WIZ: variants seen among roughly 807,000 people sequenced by gnomAD.
WIZ encodes the protein WIZ zinc finger.
In WIZ, 25 loss-of-function variants were observed where a neutral mutation model predicts 140.2. That is an observed-to-expected ratio of 0.18 (90% confidence interval 0.13 to 0.25). WIZ has a LOEUF of 0.25. WIZ is among the 10% of genes least tolerant of loss of function. The probability of loss-of-function intolerance (pLI) is 1.00; values close to 1 mark genes in which losing one functional copy is unlikely to be tolerated. For synonymous variants in WIZ, 1,125 were observed against 1,154.3 expected (o/e 0.97, Z 0.51); for missense variants, 2,231 against 2,632.6 (o/e 0.85, Z 3.34).
chr19:15,429,483 C>T (rs988471958), intron 7 of WIZ, 103 bp downstream of exon 7: 11 of 927,712 alleles, frequency 1.2e-5, no homozygotes, highest in Non-Finnish European at 1.4e-5. Context: ...TAGTCCCCAC[C>T]GCCCCCACCC....
At chr19:15,435,877 C>T (rs927309840) in intron 5 of WIZ, among the ~76,000 whole-genome samples, 4 of 152,114 alleles carry the variant, frequency 2.6e-5, no homozygotes, top group Non-Finnish European at 5.9e-5. Flanking sequence ...AATCCCAGCT[C>T]TTTGGGGGCC....
chr19:15,433,754 G>A (rs1969405596), intron 5 of WIZ, among the ~76,000 whole-genome samples: 1 of 152,202 alleles, frequency 6.6e-6, no homozygotes, highest in Non-Finnish European at 1.5e-5. Flanking sequence ...GAAGCAAGAA[G>A]CCTGAGGTCA....
rs754857262 is a variant in WIZ, at chr19:15,424,697, C to T, written c.5230G>A (p.Ala1744Thr). Reference protein sequence around the residue: ...GGEPGPEAGRAADGGERPLAA... With the variant: ...GGEPGPEAGRTADGGERPLAA... ...AGAGGCCGCTCACCACCGTCGGCTGCCCGGCCAGCCTCGGGCCCTGGCTCC... is the reference window on the plus strand; with the variant it reads ...AGAGGCCGCTCACCACCGTCGGCTGTCCGGCCAGCCTCGGGCCCTGGCTCC... Residue 1744 changes from alanine to threonine, a missense_variant, in exon 11 of 13, where the codon GCA becomes ACA. Transcript: ENST00000673675. The surrounding 1 kb of genome is among the most constrained non-coding windows in gnomAD (Gnocchi z 9.7). The T allele has an allele frequency of 1.9e-6, 3 of 1,584,500 alleles. No individual in the cohort carries two copies. The highest frequency in any genetic ancestry group is 1.7e-5 in the Admixed American group (1 of 58,422).
Position 15,428,332 on chromosome 19 carries a change from C to A in WIZ, c.3592G>T (p.Val1198Phe). Residue 1198 changes from valine to phenylalanine, a missense_variant, in exon 8 of 13, where the codon GTC becomes TTC. By Grantham distance (50) the Val-to-Phe change is conservative. Around this residue, in one of 15 missense-constraint regions of WIZ, gnomAD observed 141 missense variants for 161.2 expected, o/e 0.87. Transcript: ENST00000673675. This position sits in a 1 kb window ranked among gnomAD's most constrained non-coding sequence, Gnocchi z 6.4. ...CGCCTGGGTGGGAGGCGGATCTGGA[C>A]GCCGTCCCTCCTGATGAGCCCGTGG... ...VLHGLIRRDG[V>F]QIRLPPRRGA... 1 of 1,534,704 alleles carries A rather than the reference C, an allele frequency of 6.5e-7. No homozygotes were observed. The highest frequency in any genetic ancestry group is 8.7e-7 in the Non-Finnish European group (1 of 1,146,480).
At chr19:15,449,668 C>T (rs2145430828) in intron 1 of WIZ, 130 bp downstream of exon 1, 1 of 147,624 alleles carries the variant, frequency 6.8e-6, no homozygotes, top group East Asian at 2.0e-4. Flanking sequence ...CGGCCAGGCC[C>T]CGCCCCTGAA....
intron 5 of WIZ, chr19:15,432,390 T>G: frequency 1.0e-6 from 1 of 977,448 alleles, no homozygotes. Flanking sequence ...CAGGCGGGAT[T>G]CCGACCTTCC....
chr19:15,440,820 T>C lies in WIZ; in HGVS notation c.279-105A>G. ...GGCCGTTTGAAGCAGGCCCCGGAGA[T>C]CCAGCCCGAGGGTGACAGGGGTGTG... On this transcript the variant is annotated intron_variant, in intron 3 of 12. Transcript: ENST00000673675. This position sits in a 1 kb window ranked among gnomAD's most constrained non-coding sequence, Gnocchi z 6.2. 7.9e-6 allele frequency: 7 copies of C among 882,906 alleles called. No individual in the cohort carries two copies. Among genetic ancestry groups the C allele is most frequent in the Non-Finnish European group, 9.3e-6 (6 of 645,928 alleles). 54.7% of individuals were successfully genotyped at this position (882,906 alleles called of 1,614,324 possible). A position where few individuals can be genotyped will look rare whatever the true frequency, so the allele number is the denominator to read the frequency against.
rs1176938551 is a variant in WIZ, at chr19:15,432,522, TGGCGGCGGCGGCGGGGGTGGG to T, written c.2741-1361_2741-1341del. On this transcript the variant is annotated intron_variant, in intron 5 of 12. Transcript: ENST00000673675. ...GCGGCGGTGGCGGTGGCGGTGGTGG[TGGCGGCGGCGGCGGGGGTGGG>T]GGCGGCGGCGGCGGCGCGGGGGGTG... 8.6e-4 allele frequency: 198 copies of T among 229,592 alleles called. 6 individuals are homozygous for T. The highest frequency in any genetic ancestry group is 1.1e-3 in the Non-Finnish European group (186 of 170,232). 14.2% of individuals were successfully genotyped at this position (229,592 alleles called of 1,614,324 possible). A position where few individuals can be genotyped will look rare whatever the true frequency, so the allele number is the denominator to read the frequency against.
intron 5 of WIZ, chr19:15,432,421 C>G: frequency 1.0e-6 from 1 of 982,736 alleles, no homozygotes; most frequent in African/African-American, 1.8e-5. Flanking sequence ...CCCTCCCAAG[C>G]GCGGGCTCTT....
Position 15,425,556 on chromosome 19 carries a change from C to T in WIZ, c.4579G>A (p.Asp1527Asn). Residue 1527 changes from aspartate (D) to asparagine (N), a missense_variant, in exon 10 of 13, where the codon GAC (aspartate) becomes AAC (asparagine). Physicochemically the swap from Asp to Asn is conservative, Grantham distance 23. Coordinates refer to ENST00000673675, the MANE Select transcript of WIZ (RefSeq NM_001371589.1). ...TCCTCAGCCAGGGCAGGGGCCAGGT[C>T]TCCAGCCGGTGGCTCCTTCTTGATG... ...CLIKKEPPAG[D>N]LAPALAEDGP... is the part of the protein sequence containing the mutation. 6.2e-7 allele frequency: 1 copy of T among 1,612,904 alleles called. No homozygotes were observed. The highest frequency in any genetic ancestry group is 8.5e-7 in the Non-Finnish European group (1 of 1,179,550).
chr19:15,444,870 C>T (rs907557439), intron 2 of WIZ, among the ~76,000 whole-genome samples: 1 of 152,232 alleles, frequency 6.6e-6, no homozygotes, highest in Non-Finnish European at 1.5e-5. Context: ...TCCCAAGATT[C>T]CGGGCGTCCC....
intron 5 of WIZ, among the ~76,000 whole-genome samples, chr19:15,433,675 C>T (rs1398036318): frequency 2.0e-5 from 3 of 152,218 alleles, no homozygotes; most frequent in Non-Finnish European, 4.4e-5. Flanking sequence ...AGCTCTGTCT[C>T]GCAGCCACCC....
In WIZ at chr19:15,427,847, G is replaced by C. The variant is rs941909862; in HGVS notation, c.3814+263C>G. 6.6e-6 allele frequency among the ~76,000 whole-genome samples: 1 copy of C among 152,168 alleles called. No individual in the cohort carries two copies. The highest frequency in any genetic ancestry group is 1.5e-5 in the Non-Finnish European group (1 of 68,026). On this transcript the variant is annotated intron_variant, in intron 8 of 12. Coordinates refer to ENST00000673675, the MANE Select transcript of WIZ (RefSeq NM_001371589.1). The surrounding 1 kb of genome is among the most constrained non-coding windows in gnomAD (Gnocchi z 6.4). ...CAGCCTAGGTGCTATGTGCCATCCA[G>C]ACAGGGGCAGATGTGGGTGCTCTGC...
At chr19:15,441,678 T>C (rs1412223021) in intron 3 of WIZ, among the ~76,000 whole-genome samples, 1 of 152,156 alleles carries the variant, frequency 6.6e-6, no homozygotes, top group African/African-American at 2.4e-5. Flanking sequence ...GGAACAGATG[T>C]GGAAATGTTC....
chr19:15,444,931 G>T (rs1383645328), intron 2 of WIZ, among the ~76,000 whole-genome samples: 1 of 152,186 alleles, frequency 6.6e-6, no homozygotes, highest in Non-Finnish European at 1.5e-5. Flanking sequence ...AAGAGCCAGG[G>T]GACCGCGTGG....
At chr19:15,441,639 C>CTTTTCAAGA (rs1969749463) in intron 3 of WIZ, among the ~76,000 whole-genome samples, 1 of 152,138 alleles carries the variant, frequency 6.6e-6, no homozygotes. Flanking sequence ...AAGATCCTGC[C>CTTTTCAAGA]TCCATCAGGG....
chr19:15,425,678 G>A lies in WIZ; in HGVS notation c.4457C>T (p.Ser1486Leu). 6.2e-7 allele frequency: 1 copy of A among 1,613,412 alleles called. No homozygotes were observed. Among genetic ancestry groups the A allele is most frequent in the Non-Finnish European group, 8.5e-7 (1 of 1,179,944 alleles). The change falls in exon 10 of 13, where the codon TCA becomes TTA. Residue 1486 changes from serine to leucine, a missense_variant. Around this residue, in one of 15 missense-constraint regions of WIZ, gnomAD observed 393 missense variants for 451.7 expected, o/e 0.87. Transcript: ENST00000673675. ...GGTCACACCCATCTGCCGCAGGTGT[G>A]AGCGCGCGTGACTCGACAGGCCCTT... ...NRKGLSSHAR[S>L]HLRQMGVTEW...
At chr19:15,430,359 G>A (rs1969154162) in intron 6 of WIZ, among the ~76,000 whole-genome samples, 1 of 152,162 alleles carries the variant, frequency 6.6e-6, no homozygotes, top group Non-Finnish European at 1.5e-5. Context: ...CCAGCCAGTG[G>A]GACACCTTTC....
At position 15,423,056 on chromosome 19, in the gene WIZ, G is replaced by A; in HGVS notation, c.*20C>T. ...GAGGAGACAGAGGTGGCACGAGAGG[G>A]GATCTGGAATGCTTTTGTGTTAGGG... On this transcript the variant is annotated 3_prime_UTR_variant, in exon 13 of 13. Transcript: ENST00000673675. 3 of 1,608,018 alleles carry A rather than the reference G, an allele frequency of 1.9e-6. No individual in the cohort carries two copies. Among genetic ancestry groups the A allele is most frequent in the Non-Finnish European group, 2.5e-6 (3 of 1,177,374 alleles).
Sources: gnomAD v4.1 joint callset for allele counts (sites outside exome capture counted in the v4.1 genomes callset) on GRCh38, gnomAD v4.1.1 for gene constraint, gnomAD v4.1.1 regional missense constraint, Gnocchi (gnomAD v3.1) non-coding constraint, MANE v1.5 for transcripts, NCBI Gene and HGNC (gene_info 2026-07-23, HGNC 2026-07-21) for gene names.